The following SPPL3 variants were observed in gnomAD, a reference collection of about 807,000 sequenced individuals.
The protein encoded by SPPL3 is signal peptide peptidase like 3, also known as signal peptide peptidase-like 3.
In SPPL3, 5 loss-of-function variants were observed where a neutral mutation model predicts 42.4. The observed-to-expected ratio is 0.12, with a 90% CI of 0.06 to 0.25. SPPL3 has a LOEUF of 0.25. Among genes scored for constraint, SPPL3 ranks in the 10% least tolerant of loss-of-function variants. The pLI, the probability that SPPL3 is intolerant of heterozygous loss-of-function variation, is 1.00. For synonymous variants in SPPL3, 195 were observed against 181.8 expected, an observed-to-expected ratio of 1.07 and a Z score of -0.58; for missense variants, 235 against 489.0, an observed-to-expected ratio of 0.48 and a Z score of 4.90.
Position 120,765,341 on chromosome 12 carries a change from G to A in SPPL3, c.1084-271C>T, listed in dbSNP as rs138053367. Among the ~76,000 whole-genome samples, 754 of 151,600 alleles carry A rather than the reference G, an allele frequency of 5.0e-3. 5 individuals carry two copies. Among genetic ancestry groups the A allele is most frequent in the African/African-American group, 0.018 (729 of 41,304 alleles). ...CTCTGTCACCTAGGCTGGAGTGAGT[G>A]CAGTGGCGAGATCTCAGCTCACTGC... On this transcript the variant is annotated intron_variant, in intron 10 of 10. Coordinates refer to ENST00000353487, the MANE Select transcript of SPPL3 (RefSeq NM_139015.5).
intron 1 of SPPL3, among the ~76,000 whole-genome samples, chr12:120,876,203 A>G (rs1593006913): frequency 6.6e-6 from 1 of 152,338 alleles, no homozygotes; most frequent in East Asian, 1.9e-4. Flanking sequence ...AAAGACTGAA[A>G]TAATACAAAG....
chr12:120,787,009 T>G (rs1869743373), intron 3 of SPPL3, among the ~76,000 whole-genome samples: 1 of 152,208 alleles, frequency 6.6e-6, no homozygotes, highest in Non-Finnish European at 1.5e-5. Flanking sequence ...ATTTTTAACA[T>G]TCAATGAACA....
chr12:120,820,698 A>C (rs545449003), intron 1 of SPPL3, among the ~76,000 whole-genome samples: 1 of 152,230 alleles, frequency 6.6e-6, no homozygotes. Flanking sequence ...AAAAAACCAA[A>C]TATGTATTGC....
At chr12:120,866,590 A>G (rs977899733) in intron 1 of SPPL3, among the ~76,000 whole-genome samples, 3 of 152,372 alleles carry the variant, frequency 2.0e-5, no homozygotes, top group Non-Finnish European at 4.4e-5. Flanking sequence ...GAAAGAATTT[A>G]AAACGGAGAA....
At chr12:120,841,238 T>C (rs1871819478) in intron 1 of SPPL3, among the ~76,000 whole-genome samples, 1 of 151,706 alleles carries the variant, frequency 6.6e-6, no homozygotes, top group South Asian at 2.1e-4. Flanking sequence ...GGCAGGAGAA[T>C]CGGTTGAACC....
chr12:120,870,540 A>G (rs1872890242), intron 1 of SPPL3, among the ~76,000 whole-genome samples: 1 of 152,218 alleles, frequency 6.6e-6, no homozygotes, highest in Non-Finnish European at 1.5e-5. Flanking sequence ...CAATGTTCAC[A>G]GCAGCATTAT....
intron 1 of SPPL3, among the ~76,000 whole-genome samples, chr12:120,849,613 C>T (rs896488631): frequency 6.6e-6 from 1 of 152,128 alleles, no homozygotes; most frequent in Non-Finnish European, 1.5e-5. Context: ...GATTTTTGCA[C>T]GTGGCATCTG....
At chr12:120,872,190 AT>A (rs1872954437) in intron 1 of SPPL3, among the ~76,000 whole-genome samples, 1 of 152,222 alleles carries the variant, frequency 6.6e-6, no homozygotes, top group Non-Finnish European at 1.5e-5. Context: ...GTTGAATCCA[AT>A]AATGCAGAAC....
At chr12:120,767,748 G>C (rs538526454) in intron 8 of SPPL3, among the ~76,000 whole-genome samples, 155 bp from the exon 9 acceptor site, 1 of 152,324 alleles carries the variant, frequency 6.6e-6, no homozygotes, top group Admixed American at 6.5e-5. Flanking sequence ...TAAGAGTGTA[G>C]AGAGAAAAAG....
At chr12:120,812,512 T>C (rs73229135) in intron 1 of SPPL3, among the ~76,000 whole-genome samples, 9,666 of 152,272 alleles carry the variant, frequency 0.063, 550 homozygotes, top group East Asian at 0.3. Context: ...TGAAGATGTA[T>C]ATATACTGAG....
At chr12:120,780,741 T>TAA (rs34721813) in intron 6 of SPPL3, among the ~76,000 whole-genome samples, 1 of 100,844 alleles carries the variant, frequency 9.9e-6, no homozygotes, top group Admixed American at 1.2e-4. Flanking sequence ...ATACAAAAAT[T>TAA]AAAAAAAAAA....
chr12:120,896,246 G>A lies in SPPL3; in HGVS notation c.23+7599C>T, dbSNP rs141052315. Among the ~76,000 whole-genome samples the A allele has an allele frequency of 4.2e-3, 639 of 152,148 alleles. 6 individuals carry two copies. The highest frequency in any genetic ancestry group is 0.014 in the African/African-American group (594 of 41,510). On this transcript the variant is annotated intron_variant, in intron 1 of 10. Transcript: ENST00000353487. ...TTTTTCTTAGGAGCTCAACCTAGTC[G>A]TTCCACAACAATGAGGTGGAGCTGT...
At chr12:120,809,501 C>A (rs1224593084) in intron 2 of SPPL3, among the ~76,000 whole-genome samples, 1 of 152,202 alleles carries the variant, frequency 6.6e-6, no homozygotes, top group African/African-American at 2.4e-5. Context: ...AGTTAAAAAT[C>A]TTTACGCCTG....
At chr12:120,901,291 A>G (rs374887294) in intron 1 of SPPL3, among the ~76,000 whole-genome samples, 15 of 152,130 alleles carry the variant, frequency 9.9e-5, no homozygotes, top group Non-Finnish European at 1.5e-5. Context: ...ATCAGGAACA[A>G]CTATTAAATA....
chr12:120,861,101 T>C (rs1047645565), intron 1 of SPPL3, among the ~76,000 whole-genome samples: 1 of 152,212 alleles, frequency 6.6e-6, no homozygotes, highest in African/African-American at 2.4e-5. Context: ...TTTTCATTTG[T>C]ATTACTTTTG....
At chr12:120,857,301 G>A (rs4766980) in intron 1 of SPPL3, among the ~76,000 whole-genome samples, 60,397 of 152,068 alleles carry the variant, frequency 0.4, 14,064 homozygotes, top group Middle Eastern at 0.56. Flanking sequence ...TCAGAATGGC[G>A]ATTATTAAAC....
rs1254724089 is a variant in SPPL3 at position 120,802,404 on chromosome 12, T to C, written c.101+8405A>G. Among the ~76,000 whole-genome samples the C allele has an allele frequency of 3.2e-3, 273 of 84,536 alleles. 2 individuals carry two copies. The highest frequency in any genetic ancestry group is 0.019 in the African/African-American group (258 of 13,462). The allele number at this position is 84,536 out of a possible 152,430, so 55.5% of individuals were successfully genotyped here. On this transcript the variant is annotated intron_variant, in intron 2 of 10. Coordinates refer to ENST00000353487, the MANE Select transcript of SPPL3 (RefSeq NM_139015.5). ...GTATATATATACACATATATGTGTG[T>C]GTGTGTGTGTGTATATATATATATA...
intron 1 of SPPL3, among the ~76,000 whole-genome samples, chr12:120,839,456 T>C (rs970301677): frequency 1.3e-5 from 2 of 151,764 alleles, no homozygotes; most frequent in Non-Finnish European, 2.9e-5. Flanking sequence ...CATGTATACA[T>C]ATGTAACTAA....
chr12:120,845,921 A>C (rs1872023576), intron 1 of SPPL3, among the ~76,000 whole-genome samples: 1 of 149,938 alleles, frequency 6.7e-6, no homozygotes, highest in African/African-American at 2.5e-5. Flanking sequence ...TTTTTGAGGC[A>C]CAGTCTTGCT....
Sources: allele counts gnomAD v4.1 joint callset (sites outside exome capture counted in the v4.1 genomes callset), GRCh38; gene constraint gnomAD v4.1.1; transcripts MANE v1.5; gene names NCBI Gene and HGNC (gene_info 2026-07-23, HGNC 2026-07-21).